The following SLC41A3 variants were observed in gnomAD, a reference collection of about 807,000 sequenced individuals.
SLC41A3 encodes the protein solute carrier family 41 member 3, also known as SLC41A1-like 2.
SLC41A3 carries 44 observed loss-of-function variants against 45.4 expected under a neutral mutation model. The observed-to-expected ratio is 0.97, with a 90% CI of 0.76 to 1.25. The LOEUF is 1.25. Ranked by LOEUF, SLC41A3 falls within the 50% of genes most tolerant of loss-of-function variation. The pLI is 0.00. For synonymous variants in SLC41A3, 256 were observed against 252.4 expected (o/e 1.01, Z -0.13); for missense variants, 550 against 600.6 (o/e 0.92, Z 0.88).
intron 3 of SLC41A3, among the ~76,000 whole-genome samples, chr3:126,044,739 C>CA (rs1942834504): frequency 1.3e-5 from 2 of 150,838 alleles, no homozygotes; most frequent in South Asian, 4.2e-4. Context: ...ACTAAAAATA[C>CA]AAAAAAATTA....
chr3:126,058,769 C>T (rs1252462218), intron 2 of SLC41A3, among the ~76,000 whole-genome samples: 5 of 152,214 alleles, frequency 3.3e-5, no homozygotes, highest in Admixed American at 1.3e-4. Flanking sequence ...GACACATCCA[C>T]GTGAGCCTCC....
At chr3:126,046,621 G>T (rs755235440) in intron 3 of SLC41A3, among the ~76,000 whole-genome samples, 20 of 152,088 alleles carry the variant, frequency 1.3e-4, no homozygotes, top group Admixed American at 7.2e-4. Context: ...ACAAATAAAT[G>T]AAAAGACATA....
rs1211850755 is a variant in SLC41A3 at position 126,022,803 on chromosome 3, A to C, written c.728T>G (p.Phe243Cys). The change falls in exon 6 of 11, where the codon TTC becomes TGC. Residue 243 changes from phenylalanine to cysteine, a missense_variant. By Grantham distance (205) the Phe-to-Cys change is radical (BLOSUM62 -2). Transcript: ENST00000360370. Reference protein sequence around the residue: ...TLSILALVSSFFYRHKDSRYL... With the variant: ...TLSILALVSSCFYRHKDSRYL... Reference sequence around the variant, plus strand: ...CTCTTTACCTTTGTGTCTGTAGAAGAAGCTGCTAACCAAAGCCAGAATGGA... The same window carrying C: ...CTCTTTACCTTTGTGTCTGTAGAAGCAGCTGCTAACCAAAGCCAGAATGGA... 1.2e-6 allele frequency: 2 copies of C among 1,614,118 alleles called. No individual in the cohort carries two copies. The highest frequency in any genetic ancestry group is 1.3e-5 in the African/African-American group (1 of 74,944).
At chr3:126,059,313 A>AGGAT (rs1491270766) in intron 2 of SLC41A3, among the ~76,000 whole-genome samples, 53 of 135,548 alleles carry the variant, frequency 3.9e-4, no homozygotes, top group South Asian at 2.2e-3. Context: ...AAAGAAAGGA[A>AGGAT]GGATGATCTG....
intron 2 of SLC41A3, among the ~76,000 whole-genome samples, chr3:126,055,905 GC>G (rs1943628470): frequency 6.6e-6 from 1 of 152,112 alleles, no homozygotes; most frequent in Non-Finnish European, 1.5e-5. Flanking sequence ...CTGCAGCTCT[GC>G]CCACAGGGAC....
intron 2 of SLC41A3, among the ~76,000 whole-genome samples, chr3:126,053,053 G>C (rs1225082263): frequency 6.6e-6 from 1 of 152,176 alleles, no homozygotes; most frequent in East Asian, 1.9e-4. Context: ...GTCCTGTCTG[G>C]TCACATCGGG....
At chr3:126,045,939 A>G (rs921696948) in intron 3 of SLC41A3, among the ~76,000 whole-genome samples, 2 of 152,140 alleles carry the variant, frequency 1.3e-5, no homozygotes, top group Non-Finnish European at 2.9e-5. Flanking sequence ...CCTGGAATAC[A>G]AGATAGCTCC....
In SLC41A3 at chr3:126,068,134, C is replaced by A. The variant is rs940797657; in HGVS notation, c.86G>T (p.Gly29Val). The stretch of plus-strand genomic sequence containing the variant: ...ATCTTCTGAGGCTACAGGGAGTCCT[C>A]CTGTGCTGAGGGGGTGAGGAAGCCC... The part of the protein sequence containing the change: ...ELGLPHPLST[G>V]GLPVASEDGA... Residue 29 changes from glycine to valine, a missense_variant, in exon 2 of 11, where the codon GGA becomes GTA. Gly to Val is a moderately radical substitution (Grantham distance 109). Coordinates refer to ENST00000360370, the MANE Select transcript of SLC41A3 (RefSeq NM_017836.4). 2 of 1,610,854 alleles carry A rather than the reference C, an allele frequency of 1.2e-6. No individual in the cohort carries two copies. Among genetic ancestry groups the A allele is most frequent in the African/African-American group, 2.7e-5 (2 of 74,820 alleles).
chr3:126,052,927 C>T (rs1317096867), intron 2 of SLC41A3, among the ~76,000 whole-genome samples: 7 of 152,202 alleles, frequency 4.6e-5, no homozygotes, highest in Non-Finnish European at 8.8e-5. Flanking sequence ...TCCATGCTCC[C>T]GGGGCTTTCA....
At chr3:126,069,375 G>A (rs1944509003) in intron 1 of SLC41A3, among the ~76,000 whole-genome samples, 1 of 152,142 alleles carries the variant, frequency 6.6e-6, no homozygotes, top group African/African-American at 2.4e-5. Context: ...GGAGTTCAAG[G>A]AAATCTGTAA....
chr3:126,101,187 AAGG>A (rs1478578334), intron 1 of SLC41A3, among the ~76,000 whole-genome samples: 1 of 152,208 alleles, frequency 6.6e-6, no homozygotes, highest in Non-Finnish European at 1.5e-5. Context: ...CGGGGAGGGA[AAGG>A]AGGGCAACAG....
chr3:126,056,594 G>A, intron 2 of SLC41A3: 1 of 1,587,940 alleles, frequency 6.3e-7, no homozygotes, highest in Non-Finnish European at 8.6e-7. Flanking sequence ...CGAAGTCAGA[G>A]CCTGGGGTGC....
At chr3:126,027,093 C>CA (rs1941418658) in intron 4 of SLC41A3, among the ~76,000 whole-genome samples, 1 of 152,158 alleles carries the variant, frequency 6.6e-6, no homozygotes, top group Admixed American at 6.5e-5. Context: ...GACACAGAAA[C>CA]AAAGAGCTCC....
intron 4 of SLC41A3, among the ~76,000 whole-genome samples, chr3:126,028,157 GC>G (rs1215434234): frequency 6.6e-6 from 1 of 152,202 alleles, no homozygotes; most frequent in Non-Finnish European, 1.5e-5. Flanking sequence ...ATAAAAAGGA[GC>G]CAAGTGCTAA....
chr3:126,080,646 A>T (rs906416586), intron 1 of SLC41A3, among the ~76,000 whole-genome samples: 5 of 152,228 alleles, frequency 3.3e-5, no homozygotes, highest in African/African-American at 1.2e-4. Flanking sequence ...ACAGTATGGA[A>T]GTTCCTTTAA....
chr3:126,045,121 G>A (rs1203253262), intron 3 of SLC41A3, among the ~76,000 whole-genome samples: 1 of 151,566 alleles, frequency 6.6e-6, no homozygotes, highest in African/African-American at 2.4e-5. Flanking sequence ...ATAATTTATA[G>A]GATGCAGTGA....
chr3:126,062,366 T>C (rs1004088124), intron 2 of SLC41A3, among the ~76,000 whole-genome samples: 2 of 152,204 alleles, frequency 1.3e-5, no homozygotes, highest in African/African-American at 4.8e-5. Context: ...TCAGACACAG[T>C]TGGCCTTCAC....
intron 2 of SLC41A3, among the ~76,000 whole-genome samples, chr3:126,066,846 C>T (rs999054362): frequency 1.3e-5 from 2 of 152,130 alleles, no homozygotes; most frequent in East Asian, 1.9e-4. Context: ...TAAGACAAAC[C>T]TTTGATCATC....
At chr3:126,091,731 A>C (rs1293822983) in intron 1 of SLC41A3, among the ~76,000 whole-genome samples, 1 of 152,210 alleles carries the variant, frequency 6.6e-6, no homozygotes, top group African/African-American at 2.4e-5. Flanking sequence ...CAGAATGTAG[A>C]TTTCCTCACT....
Sources: gnomAD v4.1 joint callset for allele counts (sites outside exome capture counted in the v4.1 genomes callset) on GRCh38, gnomAD v4.1.1 for gene constraint, MANE v1.5 for transcripts, NCBI Gene and HGNC (gene_info 2026-07-23, HGNC 2026-07-21) for gene names.